STON1: variants seen among roughly 807,000 people sequenced by gnomAD.
The protein encoded by STON1 is stonin 1.
In STON1, 79 loss-of-function variants were observed where a neutral mutation model predicts 60.9. That is an observed-to-expected ratio of 1.30 (90% CI 1.08 to 1.56). The LOEUF (loss-of-function observed/expected upper bound fraction) is 1.56, where lower values mean the gene tolerates loss of function less well. STON1 is among the 40% of genes most tolerant of loss of function. STON1 has a pLI of 0.00. For synonymous variants in STON1, 363 were observed against 306.9 expected (o/e 1.18, Z -1.91); for missense variants, 1,166 against 858.9 (o/e 1.36, Z -4.47).
At chr2:48,564,599 C>T (rs555679266) in intron 1 of STON1, among the ~76,000 whole-genome samples, 13,115 of 43,786 alleles carry the variant, frequency 0.3, 4,106 homozygotes, top group Non-Finnish European at 0.41. Context: ...TCCTCCTCCT[C>T]CTCCTTCTCC....
At chr2:48,531,273 C>T (rs1671201420) in intron 1 of STON1, 1 of 152,280 alleles carries the variant, frequency 6.6e-6, no homozygotes, top group Admixed American at 6.5e-5. Context: ...TAGCTCTAGT[C>T]TCCCTCCCAA....
In STON1 at chr2:48,553,591, G is replaced by A. The variant is rs541264601; in HGVS notation, c.-48+23375G>A. ...CAACCTCTGCCTCCCGGGTTCAAGC[G>A]ATTCTCCTGCCTCAGCCTCCCAAGT... On this transcript the variant is annotated intron_variant, in intron 1 of 3. Transcript: ENST00000404752. Among the ~76,000 whole-genome samples, 10 of 151,960 alleles carry A rather than the reference G, an allele frequency of 6.6e-5. No individual in the cohort carries two copies. The East Asian group carries it at 1.2e-3, about 18-fold the overall frequency.
At chr2:48,563,571 G>A (rs534222271) in intron 1 of STON1, among the ~76,000 whole-genome samples, 86 of 152,318 alleles carry the variant, frequency 5.6e-4, no homozygotes, top group African/African-American at 2.0e-3. Context: ...ACAAAAGGCC[G>A]AGGTGTCCAG....
At position 48,598,214 on chromosome 2, in the gene STON1, T is replaced by C. The variant is rs1412750357; in HGVS notation, c.*2912T>C. 1 of 152,144 alleles carries C rather than the reference T, an allele frequency of 6.6e-6. No individual in the cohort carries two copies. The highest frequency in any genetic ancestry group is 6.6e-5 in the Admixed American group (1 of 15,264). The allele number at this position is 152,144 out of a possible 1,614,324, so 9.4% of individuals were successfully genotyped here. On this transcript the variant is annotated 3_prime_UTR_variant, in exon 4 of 4. Coordinates refer to ENST00000404752, the MANE Select transcript of STON1 (RefSeq NM_006873.4). Reference sequence around the variant, plus strand: ...AGTTTATCCACTAAAAAAAGATATGTAAAAAAGATACTTTCCAGCACATAA... The same window carrying C: ...AGTTTATCCACTAAAAAAAGATATGCAAAAAAGATACTTTCCAGCACATAA...
intron 2 of STON1, among the ~76,000 whole-genome samples, chr2:48,586,296 A>G (rs1228534342): frequency 1.3e-5 from 2 of 152,222 alleles, no homozygotes; most frequent in African/African-American, 4.8e-5. Context: ...AACATCTACT[A>G]AAGTTCTTCT....
In STON1 at chr2:48,551,447, C is replaced by G. The variant is rs192050336; in HGVS notation, c.-48+21231C>G. Among the ~76,000 whole-genome samples the G allele has an allele frequency of 3.9e-4, 60 of 152,330 alleles. 1 individual carries two copies. On this transcript the variant is annotated intron_variant, in intron 1 of 3. Coordinates refer to ENST00000404752, the MANE Select transcript of STON1 (RefSeq NM_006873.4). ...AGGGCCAAGCCCCTCTGACCCTGCCCCTGCCCCTGGCCTTGTCTTGTTGGC... is the reference window on the plus strand; with the variant it reads ...AGGGCCAAGCCCCTCTGACCCTGCCGCTGCCCCTGGCCTTGTCTTGTTGGC...
chr2:48,536,189 C>T lies in STON1; in HGVS notation c.-48+5973C>T, dbSNP rs113157406. On this transcript the variant is annotated intron_variant, in intron 1 of 3. Coordinates refer to ENST00000404752, the MANE Select transcript of STON1 (RefSeq NM_006873.4). ...AGTTGCCAAGTTCTCTCAGTCTCCT[C>T]ATCTATGAAATATAAATAATGATAG... Among the ~76,000 whole-genome samples, 963 of 152,254 alleles carry T rather than the reference C, an allele frequency of 6.3e-3. 11 individuals carry two copies. The highest frequency in any genetic ancestry group is 0.022 in the African/African-American group (910 of 41,548).
chr2:48,546,231 A>C (rs1671860296), intron 1 of STON1, among the ~76,000 whole-genome samples: 1 of 152,188 alleles, frequency 6.6e-6, no homozygotes, highest in African/African-American at 2.4e-5. Context: ...CTTTTGGATA[A>C]AATCAAGCTC....
intron 1 of STON1, among the ~76,000 whole-genome samples, chr2:48,564,469 T>C (rs367561991): frequency 1.1e-3 from 62 of 55,388 alleles, no homozygotes; most frequent in African/African-American, 3.7e-3. Flanking sequence ...TTCTTCTTCT[T>C]CTTCTTCTTC....
At chr2:48,563,287 G>T (rs1672682843) in intron 1 of STON1, among the ~76,000 whole-genome samples, 1 of 152,214 alleles carries the variant, frequency 6.6e-6, no homozygotes, top group African/African-American at 2.4e-5. Flanking sequence ...CATTCTCAAT[G>T]CCCAGAGGAT....
At chr2:48,557,992 G>A (rs1047544693) in intron 1 of STON1, among the ~76,000 whole-genome samples, 1 of 152,240 alleles carries the variant, frequency 6.6e-6, no homozygotes. Flanking sequence ...GGAGGCTGAG[G>A]TGGGTGGATC....
chr2:48,531,550 G>C (rs764531887), intron 1 of STON1: 1 of 152,268 alleles, frequency 6.6e-6, no homozygotes, highest in Admixed American at 6.6e-5. Context: ...TTCTCGGATG[G>C]GTCTGGACAG....
chr2:48,567,924 C>T (rs1252488375), intron 1 of STON1, among the ~76,000 whole-genome samples: 1 of 143,420 alleles, frequency 7.0e-6, no homozygotes, highest in African/African-American at 2.5e-5. Context: ...CTTGAGGAGT[C>T]TGGCGCTATA....
chr2:48,571,499 G>A (rs930924222), intron 1 of STON1, among the ~76,000 whole-genome samples: 1 of 152,208 alleles, frequency 6.6e-6, no homozygotes, highest in African/African-American at 2.4e-5. Flanking sequence ...AACCCTACTT[G>A]TAATGCAGGA....
intron 1 of STON1, among the ~76,000 whole-genome samples, chr2:48,546,902 T>C (rs1671884744): frequency 6.6e-6 from 1 of 152,150 alleles, no homozygotes; most frequent in Non-Finnish European, 1.5e-5. Flanking sequence ...TTCACCACAT[T>C]GCATGAACAC....
chr2:48,564,824 C>T (rs890436349), intron 1 of STON1, among the ~76,000 whole-genome samples: 2 of 147,676 alleles, frequency 1.4e-5, no homozygotes. Flanking sequence ...CCTCTGCCTC[C>T]TGGGTCCAAG....
chr2:48,569,033 G>A (rs932647906), intron 1 of STON1: 32 of 152,358 alleles, frequency 2.1e-4, no homozygotes, highest in African/African-American at 7.7e-4. Context: ...CTTTGGGACT[G>A]GACAGACCTG....
chr2:48,585,043 A>G (rs1318231224), intron 2 of STON1, among the ~76,000 whole-genome samples: 1 of 152,114 alleles, frequency 6.6e-6, no homozygotes, highest in Non-Finnish European at 1.5e-5. Context: ...TTCACCCCAC[A>G]GCGTTCTCAA....
intron 1 of STON1, among the ~76,000 whole-genome samples, chr2:48,566,712 T>C (rs1485994067): frequency 6.6e-6 from 1 of 152,202 alleles, no homozygotes; most frequent in Non-Finnish European, 1.5e-5. Context: ...TTATCAAAGT[T>C]AGGCTCCTAC....
Sources: allele counts gnomAD v4.1 joint callset (sites outside exome capture counted in the v4.1 genomes callset), GRCh38; gene constraint gnomAD v4.1.1; transcripts MANE v1.5; gene names NCBI Gene and HGNC (gene_info 2026-07-23, HGNC 2026-07-21).